SLC35D2: variants seen among roughly 807,000 people sequenced by gnomAD.
SLC35D2 encodes nucleotide sugar transporter SLC35D2.
Under a neutral mutation model 41.8 loss-of-function variants are expected in SLC35D2, and 43 were observed. That is an observed-to-expected ratio of 1.03 (90% CI 0.81 to 1.33). The LOEUF (loss-of-function observed/expected upper bound fraction) is 1.33. SLC35D2 is among the 40% of genes most tolerant of loss of function. The pLI is 0.00. For synonymous variants in SLC35D2, 150 were observed against 163.9 expected (o/e 0.92, Z 0.65); for missense variants, 380 against 408.4 (o/e 0.93, Z 0.60).
rs373089900 is a variant in SLC35D2 at position 96,338,005 on chromosome 9, A to AAAAG, written c.685-1222_685-1221insCTTT. Reference sequence around the variant, plus strand: ...TCAAAAAAAAAAAAAAAAAAAAAAAACTCAATTTCTGCTCTCCAGGAATTT... The same window carrying AAAAG: ...TCAAAAAAAAAAAAAAAAAAAAAAAAAAAGCTCAATTTCTGCTCTCCAGGAATTT... On this transcript the variant is annotated intron_variant, in intron 8 of 11. Coordinates refer to ENST00000253270, the MANE Select transcript of SLC35D2 (RefSeq NM_007001.3). 4.7e-4 allele frequency among the ~76,000 whole-genome samples: 49 copies of AAAAG among 104,784 alleles called. 2 individuals carry two copies. Among genetic ancestry groups the AAAAG allele is most frequent in the East Asian group, 7.3e-4 (2 of 2,728 alleles). The allele number at this position is 104,784 out of a possible 152,430, so 68.7% of individuals were successfully genotyped here.
chr9:96,322,157 C>A, intron 10 of SLC35D2, 77 bp from the exon 11 acceptor site: 1 of 925,870 alleles, frequency 1.1e-6, no homozygotes. Context: ...AAACCTGAAA[C>A]TAGACATTTT....
At chr9:96,325,602 G>A (rs1024233391) in intron 9 of SLC35D2, among the ~76,000 whole-genome samples, 1 of 152,166 alleles carries the variant, frequency 6.6e-6, no homozygotes, top group East Asian at 1.9e-4. Context: ...AGAATTGCTT[G>A]AACCCAGGAG....
intron 4 of SLC35D2, among the ~76,000 whole-genome samples, chr9:96,358,336 T>C (rs1830125399): frequency 6.6e-6 from 1 of 151,700 alleles, no homozygotes; most frequent in South Asian, 2.1e-4. Context: ...GTAATCTTGG[T>C]TTGATGATGA....
At chr9:96,332,495 T>G (rs2130865789) in intron 9 of SLC35D2, among the ~76,000 whole-genome samples, 1 of 152,282 alleles carries the variant, frequency 6.6e-6, no homozygotes, top group East Asian at 1.9e-4. Context: ...AAAGTTCATG[T>G]TGGCCGGGTT....
intron 9 of SLC35D2, among the ~76,000 whole-genome samples, chr9:96,332,746 T>G (rs2130866680): frequency 6.6e-6 from 1 of 150,412 alleles, no homozygotes; most frequent in South Asian, 2.2e-4. Flanking sequence ...GCCACTGCAC[T>G]CCAGACTGGG....
downstream of SLC35D2, among the ~76,000 whole-genome samples, chr9:96,316,348 A>G (rs928025083): frequency 3.9e-5 from 6 of 152,072 alleles, no homozygotes; most frequent in Admixed American, 6.6e-5. Context: ...TAAAAATACA[A>G]AAATTAGCCA....
At chr9:96,368,733 C>CCT (rs34787105) in intron 1 of SLC35D2, among the ~76,000 whole-genome samples, 200 of 143,328 alleles carry the variant, frequency 1.4e-3, no homozygotes, top group African/African-American at 4.0e-3. Context: ...TATTATACTC[C>CCT]CTCTCTCTCT....
exon 12 of SLC35D2, chr9:96,314,720 GC>G (rs1181227973): frequency 1.3e-5 from 2 of 152,400 alleles, no homozygotes; most frequent in Non-Finnish European, 2.9e-5. Context: ...TGCACATCCT[GC>G]ACATGTATCC....
downstream of SLC35D2, among the ~76,000 whole-genome samples, chr9:96,318,035 C>CAAAAA (rs10700687): frequency 2.8e-5 from 4 of 140,818 alleles, no homozygotes; most frequent in Admixed American, 7.1e-5. Context: ...GACGTTGTCT[C>CAAAAA]AAAAAAAAAA....
chr9:96,365,388 G>T, intron 2 of SLC35D2, among the ~76,000 whole-genome samples: 1 of 151,346 alleles, frequency 6.6e-6, no homozygotes, highest in Non-Finnish European at 1.5e-5. Context: ...ATATCCAATA[G>T]ACACACACAC....
intron 6 of SLC35D2, among the ~76,000 whole-genome samples, chr9:96,349,159 A>G (rs1367546296): frequency 1.3e-5 from 2 of 152,182 alleles, no homozygotes; most frequent in Non-Finnish European, 2.9e-5. Context: ...TTCAATCTTA[A>G]AAGAGTGCGC....
At chr9:96,338,433 G>A (rs1829152853) in intron 8 of SLC35D2, among the ~76,000 whole-genome samples, 1 of 151,934 alleles carries the variant, frequency 6.6e-6, no homozygotes, top group Admixed American at 6.6e-5. Context: ...GTGCACACTT[G>A]TAGTCCCAGC....
At chr9:96,329,953 G>A (rs1828733809) in intron 9 of SLC35D2, among the ~76,000 whole-genome samples, 1 of 152,232 alleles carries the variant, frequency 6.6e-6, no homozygotes, top group Admixed American at 6.5e-5. Flanking sequence ...AAAGTCCCAA[G>A]ACAGGCCATC....
intron 1 of SLC35D2, among the ~76,000 whole-genome samples, chr9:96,371,474 C>CAAAAAAAAAAAAAAAAAAAAAAA (rs539576375): frequency 2.4e-4 from 11 of 46,648 alleles, no homozygotes; most frequent in East Asian, 9.0e-4. Context: ...GACTCTGTCT[C>CAAAAAAAAAAAAAAAAAAAAAAA]AAAAAAAAAA....
At chr9:96,316,492 C>CA (rs148816828), downstream of SLC35D2, among the ~76,000 whole-genome samples, 68,661 of 145,796 alleles carry the variant, frequency 0.47, 15,771 homozygotes, top group Middle Eastern at 0.54. Flanking sequence ...CTCAAAAAAA[C>CA]AAAAAAAAAA....
chr9:96,383,213 C>T lies in SLC35D2; in HGVS notation c.158+264G>A, dbSNP rs1385432135. On this transcript the variant is annotated intron_variant, in intron 1 of 11. Coordinates refer to ENST00000253270, the MANE Select transcript of SLC35D2 (RefSeq NM_007001.3). ...TCGCTGGGTGTATGAAAGAATCTGT[C>T]TGAGCTCTACCAGCCCACCTAGGAC... Among the ~76,000 whole-genome samples, 3 of 152,174 alleles carry T rather than the reference C, an allele frequency of 2.0e-5. No individual in the cohort carries two copies. The East Asian group carries it at 5.8e-4, about 29-fold the overall frequency.
chr9:96,347,166 T>C (rs1587682618), intron 6 of SLC35D2, among the ~76,000 whole-genome samples: 1 of 152,248 alleles, frequency 6.6e-6, no homozygotes, highest in South Asian at 2.1e-4. Flanking sequence ...CTTCCAAATT[T>C]CTTACCTACC....
rs1330645089 is a variant in SLC35D2, at chr9:96,345,313, T to G, written c.577A>C (p.Lys193Gln). Residue 193 changes from lysine (K) to glutamine (Q), a missense_variant, in exon 7 of 12, where the codon AAA (lysine) becomes CAA (glutamine). Coordinates refer to ENST00000253270, the MANE Select transcript of SLC35D2 (RefSeq NM_007001.3). Reference protein sequence around the residue: ...TAANGVYTKQKMDPKELGKYG... With the variant: ...TAANGVYTKQQMDPKELGKYG... ...AGGTCTGGTACCTTTGGGTCCATTT[T>G]CTGTTTGGTATAAACTCCATTTGCT... is the stretch of plus-strand genomic sequence containing the variant. The G allele has an allele frequency of 6.2e-7, 1 of 1,601,060 alleles. No individual in the cohort carries two copies. The highest frequency in any genetic ancestry group is 8.5e-7 in the Non-Finnish European group (1 of 1,170,858).
intron 9 of SLC35D2, among the ~76,000 whole-genome samples, chr9:96,335,702 A>T (rs1219837456): frequency 6.6e-6 from 1 of 152,150 alleles, no homozygotes; most frequent in Non-Finnish European, 1.5e-5. Flanking sequence ...AGTCTTTAGA[A>T]GACTGAAATA....
Sources: allele counts gnomAD v4.1 joint callset (sites outside exome capture counted in the v4.1 genomes callset), GRCh38; gene constraint gnomAD v4.1.1; transcripts MANE v1.5; gene names NCBI Gene and HGNC (gene_info 2026-07-23, HGNC 2026-07-21).